The following SCX variants were observed in gnomAD, a reference collection of about 807,000 sequenced individuals.
SCX encodes basic helix-loop-helix transcription factor scleraxis.
SCX carries 7 observed loss-of-function variants against 12.2 expected under a neutral mutation model. The ratio of observed to expected loss-of-function variants is 0.57; its 90% CI spans 0.33 to 1.08. The LOEUF is 1.08. SCX is among the 50% of genes least tolerant of loss of function. The probability of loss-of-function intolerance (pLI) is 0.04; values close to 1 mark genes in which losing one functional copy is unlikely to be tolerated. For missense variants in SCX, 342 were observed against 337.2 expected, an observed-to-expected ratio of 1.01 and a Z score of -0.11; for synonymous variants, 193 against 163.9, an observed-to-expected ratio of 1.18 and a Z score of -1.36.
At chr8:144,267,448 A>G (rs1003618856) in intron 1 of SCX, among the ~76,000 whole-genome samples, 1 of 152,204 alleles carries the variant, frequency 6.6e-6, no homozygotes, top group Non-Finnish European at 1.5e-5. Context: ...AAAGGGGCCC[A>G]CCCAGGGCGG....
Position 144,268,146 on chromosome 8 carries a change from G to A in SCX, c.*4G>A, listed in dbSNP as rs1347791873. 2 of 1,551,168 alleles carry A rather than the reference G, an allele frequency of 1.3e-6. No individual in the cohort carries two copies. Among genetic ancestry groups the A allele is most frequent in the Non-Finnish European group, 1.7e-6 (2 of 1,147,326 alleles). On this transcript the variant is annotated 3_prime_UTR_variant, in exon 2 of 2. Coordinates refer to ENST00000567180, the MANE Select transcript of SCX (RefSeq NM_001080514.3). ...AAAGACAGCGATTCGCAGTTAGGAGGTGGCCGGCAGCAGCCAGGAGGCAGA... is the reference window on the plus strand; with the variant it reads ...AAAGACAGCGATTCGCAGTTAGGAGATGGCCGGCAGCAGCCAGGAGGCAGA...
chr8:144,266,477 G>T lies in SCX; in HGVS notation c.-137G>T, dbSNP rs1588590714. On this transcript the variant is annotated 5_prime_UTR_variant, in exon 1 of 2. Transcript: ENST00000567180. ...CGGCCCGGGACGCACATGTGCGCGC[G>T]ACGCCCGGCAGCTGCCACCGCGGGG... The T allele has an allele frequency of 2.0e-6, 2 of 984,042 alleles. No individual in the cohort carries two copies. The highest frequency in any genetic ancestry group is 2.3e-4 in the East Asian group (2 of 8,850). The allele number at this position is 984,042 out of a possible 1,614,324, so 61.0% of individuals were successfully genotyped here. A position where few individuals can be genotyped will look rare whatever the true frequency, so the allele number is the denominator to read the frequency against.
chr8:144,266,811 AG>A lies in SCX; in HGVS notation c.203del (p.Gly68AlafsTer24). 3.5e-6 allele frequency: 4 copies of A among 1,155,902 alleles called. No homozygotes were observed. Among genetic ancestry groups the A allele is most frequent in the South Asian group, 3.8e-5 (1 of 26,662 alleles). 71.6% of individuals were successfully genotyped at this position (1,155,902 alleles called of 1,614,324 possible). ...GCCGGCGGGCCGGGGGCGGGGGGCC[AG>A]GGGGCCGGCCAGGCCGTGAGCCCCG... ...GGRRAGGGGP[G>X]GRPGREPRQR... On this transcript the variant is annotated frameshift_variant, in exon 1 of 2. Transcript: ENST00000567180. LOFTEE classifies it high-confidence loss of function.
chr8:144,267,878 C>T (rs951113702), intron 1 of SCX, among the ~76,000 whole-genome samples: 2 of 152,234 alleles, frequency 1.3e-5, no homozygotes, highest in African/African-American at 4.8e-5. Context: ...CTCCAGACAG[C>T]ACGCGCGAGC....
Position 144,266,645 on chromosome 8 carries a change from CG to C in SCX, c.35del (p.Gly12AlafsTer8). 1 of 1,246,008 alleles carries C rather than the reference CG, an allele frequency of 8.0e-7. No homozygotes were observed. Among genetic ancestry groups the C allele is most frequent in the Non-Finnish European group, 1.0e-6 (1 of 975,326 alleles). The allele number at this position is 1,246,008 out of a possible 1,614,324, so 77.2% of individuals were successfully genotyped here. A position where few individuals can be genotyped will look rare whatever the true frequency, so the allele number is the denominator to read the frequency against. On this transcript the variant is annotated frameshift_variant, in exon 1 of 2. Coordinates refer to ENST00000567180, the MANE Select transcript of SCX (RefSeq NM_001080514.3). LOFTEE classifies it high-confidence loss of function. ...TTCGCCACGCTGCGCCCGGCGCCGCCGGGCCGCTACCTGTACCCCGAGGTGA... is the reference window on the plus strand; with the variant it reads ...TTCGCCACGCTGCGCCCGGCGCCGCCGGCCGCTACCTGTACCCCGAGGTGA... The part of the protein sequence containing the change: MSFATLRPAP[P>X]GRYLYPEVSP...
chr8:144,267,332 C>T, intron 1 of SCX, 152 bp downstream of exon 1: 2 of 968,572 alleles, frequency 2.1e-6, no homozygotes, highest in South Asian at 3.0e-5. Flanking sequence ...GGGCTGGGGC[C>T]TTCTCCTGGG....
In SCX at chr8:144,266,765, G is replaced by A; in HGVS notation, c.152G>A (p.Gly51Asp). Residue 51 changes from glycine (G) to aspartate (D), a missense_variant, in exon 1 of 2, where the codon GGC becomes GAC. By Grantham distance (94) the Gly-to-Asp change is moderately conservative (BLOSUM62 -1). Coordinates refer to ENST00000567180, the MANE Select transcript of SCX (RefSeq NM_001080514.3). Reference protein sequence around the residue: ...RVHAARCGLQGARRRAGGRRA... With the variant: ...RVHAARCGLQDARRRAGGRRA... ...CACGCGGCGCGCTGCGGCCTCCAGGGCGCCCGGCGGAGGGCGGGGGGCCGG... is the reference window on the plus strand; with the variant it reads ...CACGCGGCGCGCTGCGGCCTCCAGGACGCCCGGCGGAGGGCGGGGGGCCGG... 6 of 1,070,404 alleles carry A rather than the reference G, an allele frequency of 5.6e-6. No individual in the cohort carries two copies. Among genetic ancestry groups the A allele is most frequent in the Non-Finnish European group, 6.8e-6 (6 of 885,476 alleles). 66.3% of individuals were successfully genotyped at this position (1,070,404 alleles called of 1,614,324 possible).
chr8:144,266,933 C>T lies in SCX; in HGVS notation c.320C>T (p.Ala107Val). The T allele has an allele frequency of 1.3e-6, 2 of 1,558,844 alleles. No individual in the cohort carries two copies. Among genetic ancestry groups the T allele is most frequent in the Non-Finnish European group, 8.6e-7 (1 of 1,158,576 alleles). ...ALRTLIPTEP[A>V]DRKLSKIETL... Reference sequence around the variant, plus strand: ...CGCACGCTGATCCCCACCGAGCCCGCCGACCGCAAGCTCTCCAAGATTGAG... The same window carrying T: ...CGCACGCTGATCCCCACCGAGCCCGTCGACCGCAAGCTCTCCAAGATTGAG... Residue 107 changes from alanine to valine, a missense_variant, in exon 1 of 2, where the codon GCC (alanine) becomes GTC (valine). Ala to Val is a moderately conservative substitution (Grantham distance 64). This residue lies in a region of SCX where 161 missense variants were observed against 155.7 expected (regional missense o/e 1.03). Coordinates refer to ENST00000567180, the MANE Select transcript of SCX (RefSeq NM_001080514.3).
rs1845421923 is a variant in SCX, at chr8:144,268,118, CAGAA to C, written c.586_589del (p.Lys196GlnfsTer35). 3.2e-6 allele frequency: 5 copies of C among 1,551,486 alleles called. No homozygotes were observed. Among genetic ancestry groups the C allele is most frequent in the East Asian group, 2.4e-5 (1 of 41,062 alleles). ...CCCCTCTGCAGAGCAAGGACCGCGA[CAGAA>C]AGACAGCGATTCGCAGTTAGGAGGT... is the stretch of plus-strand genomic sequence containing the variant. On this transcript the variant is annotated frameshift_variant, in exon 2 of 2. Transcript: ENST00000567180. LOFTEE classifies it high-confidence loss of function.
chr8:144,267,096 G>GCCC lies in SCX; in HGVS notation c.486_488dup (p.Pro166dup). ...CGCGCGCCGGCAGCCCCCCGCCGCC[G>GCCC]CCCCCGCCGCCTCCCGCCCGCGACG... is the stretch of plus-strand genomic sequence containing the variant. On this transcript the variant is annotated inframe_insertion, in exon 1 of 2. Coordinates refer to ENST00000567180, the MANE Select transcript of SCX (RefSeq NM_001080514.3). 3 of 1,403,808 alleles carry GCCC rather than the reference G, an allele frequency of 2.1e-6. No homozygotes were observed. The highest frequency in any genetic ancestry group is 1.5e-5 in the African/African-American group (1 of 66,012). The allele number at this position is 1,403,808 out of a possible 1,614,324, so 87.0% of individuals were successfully genotyped here. A position where few individuals can be genotyped will look rare whatever the true frequency, so the allele number is the denominator to read the frequency against.
At position 144,268,073 on chromosome 8, in the gene SCX, G is replaced by C. The variant is rs947174777; in HGVS notation, c.568-31G>C. On this transcript the variant is annotated intron_variant, in intron 1 of 1. Transcript: ENST00000567180. ...GCGCAGACTGGCGCTGGGCTCTGCCGGGGCCTGACACTCCTCCCTCCCCTC... is the reference window on the plus strand; with the variant it reads ...GCGCAGACTGGCGCTGGGCTCTGCCCGGGCCTGACACTCCTCCCTCCCCTC... 1.9e-6 allele frequency: 3 copies of C among 1,549,742 alleles called. No individual in the cohort carries two copies. In the Admixed American group the frequency reaches 5.9e-5, roughly 30 times the overall value.
At position 144,268,211 on chromosome 8, in the gene SCX, A is replaced by T. The variant is rs1845425531; in HGVS notation, c.*69A>T. 1 of 1,545,530 alleles carries T rather than the reference A, an allele frequency of 6.5e-7. No individual in the cohort carries two copies. The highest frequency in any genetic ancestry group is 2.4e-5 in the East Asian group (1 of 40,888). ...GTGGACGCCCGGGGTGACTGCAGAC[A>T]GCCCCCACCTTGGACCTGAGCTGGG... On this transcript the variant is annotated 3_prime_UTR_variant, in exon 2 of 2. Transcript: ENST00000567180.
chr8:144,268,419 T>C lies in SCX; in HGVS notation c.*277T>C, dbSNP rs1456507124. The C allele has an allele frequency of 3.5e-6, 2 of 575,720 alleles. No homozygotes were observed. Among genetic ancestry groups the C allele is most frequent in the Non-Finnish European group, 6.1e-6 (2 of 325,396 alleles). The allele number at this position is 575,720 out of a possible 1,614,324, so 35.7% of individuals were successfully genotyped here. Reference sequence around the variant, plus strand: ...CACTGTGTGATGGCATCTTGTGTTTTTGATATGATAATATAAAGTCTGAAA... The same window carrying C: ...CACTGTGTGATGGCATCTTGTGTTTCTGATATGATAATATAAAGTCTGAAA... On this transcript the variant is annotated 3_prime_UTR_variant, in exon 2 of 2. Transcript: ENST00000567180.
At position 144,267,027 on chromosome 8, in the gene SCX, C is replaced by T. The variant is rs1845386882; in HGVS notation, c.414C>T (p.Gly138=). The change falls in exon 1 of 2, where the codon GGC becomes GGT. Residue 138 remains glycine (G), a synonymous_variant. Transcript: ENST00000567180. ...GNVLLAGEAC[G]DGQPCHSGPA... ...TGCTGCTGGCGGGCGAGGCCTGCGG[C>T]GACGGACAGCCCTGCCACTCCGGGC... 1 of 1,518,788 alleles carries T rather than the reference C, an allele frequency of 6.6e-7. No individual in the cohort carries two copies. Among genetic ancestry groups the T allele is most frequent in the Non-Finnish European group, 8.8e-7 (1 of 1,140,396 alleles). The allele number at this position is 1,518,788 out of a possible 1,614,324, so 94.1% of individuals were successfully genotyped here.
At chr8:144,267,706 C>T (rs1177077226) in intron 1 of SCX, among the ~76,000 whole-genome samples, 1 of 151,896 alleles carries the variant, frequency 6.6e-6, no homozygotes, top group Non-Finnish European at 1.5e-5. Context: ...CCATGGGACA[C>T]GAAGGCAGAG....
In SCX at chr8:144,268,176, G is replaced by A. The variant is rs1845424472; in HGVS notation, c.*34G>A. ...CGGCAGCAGCCAGGAGGCAGACGCT[G>A]CTGGGGGAGGTGGACGCCCGGGGTG... On this transcript the variant is annotated 3_prime_UTR_variant, in exon 2 of 2. Coordinates refer to ENST00000567180, the MANE Select transcript of SCX (RefSeq NM_001080514.3). The A allele has an allele frequency of 6.5e-7, 1 of 1,548,990 alleles. No homozygotes were observed. Among genetic ancestry groups the A allele is most frequent in the African/African-American group, 1.4e-5 (1 of 73,156 alleles).
chr8:144,266,917 A>T lies in SCX; in HGVS notation c.304A>T (p.Ile102Phe), dbSNP rs2130209956. 6.4e-7 allele frequency: 1 copy of T among 1,551,248 alleles called. No individual in the cohort carries two copies. Among genetic ancestry groups the T allele is most frequent in the South Asian group, 1.1e-5 (1 of 87,994 alleles). The change falls in exon 1 of 2, where the codon ATC (isoleucine) becomes TTC (phenylalanine). Residue 102 changes from isoleucine to phenylalanine, a missense_variant. Coordinates refer to ENST00000567180, the MANE Select transcript of SCX (RefSeq NM_001080514.3). ...GGCCTTCACGGCGCTGCGCACGCTG[A>T]TCCCCACCGAGCCCGCCGACCGCAA... Reference protein sequence around the residue: ...NTAFTALRTLIPTEPADRKLS... With the variant: ...NTAFTALRTLFPTEPADRKLS...
At position 144,266,499 on chromosome 8, in the gene SCX, G is replaced by A. The variant is rs1250461109; in HGVS notation, c.-115G>A. On this transcript the variant is annotated 5_prime_UTR_variant, in exon 1 of 2. Transcript: ENST00000567180. The stretch of plus-strand genomic sequence containing the variant: ...CGCGACGCCCGGCAGCTGCCACCGC[G>A]GGGCGCAGCCGAGACCCCGCGCCTC... 1 of 987,076 alleles carries A rather than the reference G, an allele frequency of 1.0e-6. No individual in the cohort carries two copies. Among genetic ancestry groups the A allele is most frequent in the African/African-American group, 1.8e-5 (1 of 56,878 alleles). 61.1% of individuals were successfully genotyped at this position (987,076 alleles called of 1,614,324 possible).
chr8:144,268,102 A>G lies in SCX; in HGVS notation c.568-2A>G, dbSNP rs1422879837. Reference sequence around the variant, plus strand: ...CCTGACACTCCTCCCTCCCCTCTGCAGAGCAAGGACCGCGACAGAAAGACA... The same window carrying G: ...CCTGACACTCCTCCCTCCCCTCTGCGGAGCAAGGACCGCGACAGAAAGACA... On this transcript the variant is annotated splice_acceptor_variant, in intron 1 of 1. Coordinates refer to ENST00000567180, the MANE Select transcript of SCX (RefSeq NM_001080514.3). LOFTEE classifies it high-confidence loss of function. 5 of 1,550,936 alleles carry G rather than the reference A, an allele frequency of 3.2e-6. No homozygotes were observed. The Admixed American group carries it at 9.8e-5, about 30-fold the overall frequency.
Sources: gnomAD v4.1 joint callset for allele counts (sites outside exome capture counted in the v4.1 genomes callset) on GRCh38, gnomAD v4.1.1 for gene constraint, gnomAD v4.1.1 regional missense constraint, MANE v1.5 for transcripts, NCBI Gene and HGNC (gene_info 2026-07-23, HGNC 2026-07-21) for gene names.